The following EFCAB11 variants were observed in gnomAD, a reference collection of about 807,000 sequenced individuals.
The protein encoded by EFCAB11 is EF-hand calcium-binding domain-containing protein 11.
EFCAB11 carries 14 observed loss-of-function variants against 23.0 expected under a neutral mutation model. The observed-to-expected ratio is 0.61, with a 90% CI of 0.40 to 0.95. The LOEUF (loss-of-function observed/expected upper bound fraction) is 0.95. Among genes scored for constraint, EFCAB11 ranks in the 40% least tolerant of loss-of-function variants. The probability of loss-of-function intolerance (pLI) is 0.00; values close to 1 mark genes in which losing one functional copy is unlikely to be tolerated. For missense variants in EFCAB11, 198 were observed against 195.8 expected (o/e 1.01, Z -0.07); for synonymous variants, 65 against 66.6 (o/e 0.98, Z 0.11).
intron 5 of EFCAB11, among the ~76,000 whole-genome samples, chr14:89,826,525 A>G (rs1426549843): frequency 6.6e-6 from 1 of 151,852 alleles, no homozygotes; most frequent in Admixed American, 6.6e-5. Context: ...GCTTTATGGT[A>G]TCTTGGTCAC....
At chr14:89,935,154 T>C (rs1890535303) in intron 3 of EFCAB11, among the ~76,000 whole-genome samples, 1 of 152,210 alleles carries the variant, frequency 6.6e-6, no homozygotes. Flanking sequence ...CGACGGCCCT[T>C]TGTTCATCAT....
At chr14:89,885,766 AG>A in intron 5 of EFCAB11, among the ~76,000 whole-genome samples, 1 of 150,770 alleles carries the variant, frequency 6.6e-6, no homozygotes, top group South Asian at 2.1e-4. Context: ...AAGGAAAGAA[AG>A]AAAGAAAGAA....
At chr14:89,822,823 C>T (rs1265627297) in intron 5 of EFCAB11, among the ~76,000 whole-genome samples, 2 of 152,164 alleles carry the variant, frequency 1.3e-5, no homozygotes, top group Non-Finnish European at 2.9e-5. Flanking sequence ...AGGGCTAAAT[C>T]AGTCACGGAG....
At position 89,943,582 on chromosome 14, in the gene EFCAB11, T is replaced by C. The variant is rs567396746; in HGVS notation, c.217+6515A>G. ...AAGATCCAAACATTAAGAAGAGAGA[T>C]AATATATGTGGAAAAACATTTAATC... On this transcript the variant is annotated intron_variant, in intron 3 of 5. Transcript: ENST00000316738. Among the ~76,000 whole-genome samples the C allele has an allele frequency of 8.5e-5, 13 of 152,196 alleles. 1 individual carries two copies. The highest frequency in any genetic ancestry group is 4.1e-4 in the South Asian group (2 of 4,834).
intron 5 of EFCAB11, among the ~76,000 whole-genome samples, chr14:89,802,822 T>C (rs1885832384): frequency 6.6e-6 from 1 of 152,376 alleles, no homozygotes; most frequent in Non-Finnish European, 1.5e-5. Context: ...TCCTTAATAT[T>C]ACTTATATCT....
chr14:89,944,653 G>T (rs934584077), intron 3 of EFCAB11, among the ~76,000 whole-genome samples: 6 of 152,116 alleles, frequency 3.9e-5, no homozygotes, highest in Non-Finnish European at 5.9e-5. Context: ...GCTTTATCAA[G>T]AAGTTGTAAC....
chr14:89,916,832 CTT>C (rs951527174), intron 5 of EFCAB11, among the ~76,000 whole-genome samples: 46 of 152,064 alleles, frequency 3.0e-4, no homozygotes, highest in Non-Finnish European at 6.2e-4. Context: ...AACAATAAGA[CTT>C]GGGTTAAGAA....
intron 5 of EFCAB11, among the ~76,000 whole-genome samples, chr14:89,886,294 G>A (rs1427380768): frequency 6.6e-6 from 1 of 151,980 alleles, no homozygotes; most frequent in African/African-American, 2.4e-5. Flanking sequence ...AAGGCTGGTG[G>A]ATCACGAGGT....
chr14:89,941,171 T>C (rs1890778564), intron 3 of EFCAB11, among the ~76,000 whole-genome samples: 1 of 152,216 alleles, frequency 6.6e-6, no homozygotes, highest in Non-Finnish European at 1.5e-5. Flanking sequence ...TATGCCTCTC[T>C]AGAAAAATTG....
At chr14:89,824,425 A>T (rs1251602741) in intron 5 of EFCAB11, among the ~76,000 whole-genome samples, 1 of 152,174 alleles carries the variant, frequency 6.6e-6, no homozygotes, top group Non-Finnish European at 1.5e-5. Context: ...AACTGGATCT[A>T]CAAAAGGGAA....
intron 5 of EFCAB11, among the ~76,000 whole-genome samples, chr14:89,858,830 A>G (rs563320821): frequency 1.3e-5 from 2 of 152,180 alleles, no homozygotes; most frequent in South Asian, 4.1e-4. Context: ...TTAGTTAAAA[A>G]ACAATTATCT....
At chr14:89,797,473 T>C (rs1017293360) in intron 5 of EFCAB11, 149 bp from the exon 6 acceptor site, 5 of 578,660 alleles carry the variant, frequency 8.6e-6, no homozygotes, top group Non-Finnish European at 1.5e-5. Flanking sequence ...GCCTGTTTTT[T>C]CATTGATAAT....
chr14:89,892,350 T>A (rs1888998569), intron 5 of EFCAB11: 2 of 1,613,590 alleles, frequency 1.2e-6, no homozygotes, highest in Admixed American at 1.7e-5. Context: ...GACATCAAGC[T>A]AGAAGAGGGC....
chr14:89,856,031 G>T (rs1352277176), intron 5 of EFCAB11, among the ~76,000 whole-genome samples: 2 of 152,168 alleles, frequency 1.3e-5, no homozygotes, highest in Non-Finnish European at 2.9e-5. Flanking sequence ...GTCCAGCAAT[G>T]AACTCTTAGG....
At position 89,953,904 on chromosome 14, in the gene EFCAB11, A is replaced by G. The variant is rs1252443133; in HGVS notation, c.171+2T>C. The G allele has an allele frequency of 6.2e-7, 1 of 1,612,290 alleles. No homozygotes were observed. The highest frequency in any genetic ancestry group is 8.5e-7 in the Non-Finnish European group (1 of 1,179,294). On this transcript the variant is annotated splice_donor_variant, in intron 2 of 5. Coordinates refer to ENST00000316738, the MANE Select transcript of EFCAB11 (RefSeq NM_145231.4). LOFTEE classifies it high-confidence loss of function. Reference sequence around the variant, plus strand: ...ATCCCCAAATATATAAGAAAGCTCTACCTTGGAGGGCTTGTACCCAAACAG... The same window carrying G: ...ATCCCCAAATATATAAGAAAGCTCTGCCTTGGAGGGCTTGTACCCAAACAG...
chr14:89,891,934 C>A (rs1024949787), intron 5 of EFCAB11, among the ~76,000 whole-genome samples: 2 of 152,050 alleles, frequency 1.3e-5, no homozygotes, highest in Non-Finnish European at 2.9e-5. Context: ...CGGTGGGCGC[C>A]GAGTGCTACC....
At chr14:89,807,711 T>G (rs945138042) in intron 5 of EFCAB11, among the ~76,000 whole-genome samples, 1 of 152,208 alleles carries the variant, frequency 6.6e-6, no homozygotes, top group African/African-American at 2.4e-5. Flanking sequence ...TATAATATTT[T>G]GAGTGGGATA....
chr14:89,934,648 A>AT (rs138628172), intron 3 of EFCAB11, among the ~76,000 whole-genome samples: 22,201 of 152,104 alleles, frequency 0.15, 3,544 homozygotes, highest in African/African-American at 0.4. Flanking sequence ...CATATGTAGC[A>AT]TTTTTTTCCA....
At chr14:89,901,649 A>G (rs188659032) in intron 5 of EFCAB11, among the ~76,000 whole-genome samples, 32 of 152,334 alleles carry the variant, frequency 2.1e-4, no homozygotes, top group Admixed American at 7.8e-4. Context: ...ATCTTGAGAA[A>G]TCTAAGGTCT....
Sources: gnomAD v4.1 joint callset for allele counts (sites outside exome capture counted in the v4.1 genomes callset) on GRCh38, gnomAD v4.1.1 for gene constraint, MANE v1.5 for transcripts, NCBI Gene and HGNC (gene_info 2026-07-23, HGNC 2026-07-21) for gene names.